CADM2: variants seen among roughly 807,000 people sequenced by gnomAD.
CADM2 encodes the protein immunoglobulin superfamily member 4D.
CADM2 carries 12 observed loss-of-function variants against 49.8 expected under a neutral mutation model. That is an observed-to-expected ratio of 0.24 (90% CI 0.15 to 0.39). The LOEUF is 0.39. Among genes scored for constraint, CADM2 ranks in the 10% least tolerant of loss-of-function variants. CADM2 has a pLI of 1.00. For missense variants in CADM2, 378 were observed against 492.3 expected (o/e 0.77, Z 2.20); for synonymous variants, 214 against 175.4 (o/e 1.22, Z -1.74).
At chr3:85,664,216 A>G (rs1195980999) in intron 1 of CADM2, among the ~76,000 whole-genome samples, 1 of 151,940 alleles carries the variant, frequency 6.6e-6, no homozygotes, top group Non-Finnish European at 1.5e-5. Flanking sequence ...GCTTTTAAAT[A>G]TCTCCCATGA....
chr3:85,452,780 C>G (rs1042295817), intron 1 of CADM2, among the ~76,000 whole-genome samples: 13 of 152,122 alleles, frequency 8.5e-5, no homozygotes, highest in Non-Finnish European at 1.9e-4. Context: ...ACAGTGTTCT[C>G]TTCTTTAAAC....
intron 1 of CADM2, among the ~76,000 whole-genome samples, chr3:85,449,051 A>AT (rs1246128056): frequency 2.1e-4 from 29 of 134,990 alleles, no homozygotes; most frequent in Admixed American, 5.9e-4. Context: ...CTCCAACTCA[A>AT]AAATAATAAT....
chr3:85,953,431 G>A (rs780752202), intron 7 of CADM2, among the ~76,000 whole-genome samples: 4 of 150,634 alleles, frequency 2.7e-5, no homozygotes, highest in Non-Finnish European at 6.0e-5. Flanking sequence ...CAACATTATG[G>A]CCTCTTGAGG....
intron 1 of CADM2, among the ~76,000 whole-genome samples, chr3:85,114,886 G>C (rs2038588209): frequency 6.6e-6 from 1 of 152,030 alleles, no homozygotes; most frequent in Non-Finnish European, 1.5e-5. Context: ...AAAGGATTAA[G>C]GGAGATCTAG....
At chr3:85,412,533 C>T (rs1470547134) in intron 1 of CADM2, among the ~76,000 whole-genome samples, 1 of 59,046 alleles carries the variant, frequency 1.7e-5, no homozygotes, top group Non-Finnish European at 4.9e-5. Context: ...CTATGTAATT[C>T]GTTTTTTTTT....
At chr3:85,727,658 A>G (rs2067758281) in intron 2 of CADM2, among the ~76,000 whole-genome samples, 1 of 152,188 alleles carries the variant, frequency 6.6e-6, no homozygotes, top group African/African-American at 2.4e-5. Context: ...AAGGATGAGA[A>G]GTGTAGTTTT....
chr3:85,443,905 C>T (rs1576564963), intron 1 of CADM2, among the ~76,000 whole-genome samples: 1 of 152,102 alleles, frequency 6.6e-6, no homozygotes, highest in East Asian at 1.9e-4. Flanking sequence ...AGGATCTCCT[C>T]ATAGATGTTA....
chr3:85,160,606 A>T (rs563666101), intron 1 of CADM2, among the ~76,000 whole-genome samples: 2 of 152,250 alleles, frequency 1.3e-5, no homozygotes, highest in South Asian at 4.2e-4. Context: ...CTTCTCAATA[A>T]ATAATTAGGC....
At chr3:85,277,793 G>A (rs561679967) in intron 1 of CADM2, among the ~76,000 whole-genome samples, 1 of 150,658 alleles carries the variant, frequency 6.6e-6, no homozygotes, top group East Asian at 2.0e-4. Flanking sequence ...AACAATTCTT[G>A]ATAAAATATA....
intron 1 of CADM2, among the ~76,000 whole-genome samples, chr3:85,576,516 A>G (rs1483741046): frequency 2.6e-5 from 4 of 152,178 alleles, no homozygotes; most frequent in Non-Finnish European, 5.9e-5. Flanking sequence ...TTCCATGACA[A>G]TGTTTACACA....
chr3:85,280,293 T>G (rs1243509964), intron 1 of CADM2, among the ~76,000 whole-genome samples: 1 of 151,644 alleles, frequency 6.6e-6, no homozygotes, highest in Non-Finnish European at 1.5e-5. Flanking sequence ...TGTTGAAGGG[T>G]AGTTTTGTCA....
intron 6 of CADM2, among the ~76,000 whole-genome samples, chr3:85,928,526 C>A (rs935428178): frequency 4.6e-5 from 7 of 151,836 alleles, no homozygotes; most frequent in Non-Finnish European, 1.0e-4. Context: ...TAAATAAGCC[C>A]CAGAATATGT....
At chr3:85,630,176 A>G (rs930632167) in intron 1 of CADM2, among the ~76,000 whole-genome samples, 1 of 152,004 alleles carries the variant, frequency 6.6e-6, no homozygotes, top group Non-Finnish European at 1.5e-5. Context: ...TTGCCACTCT[A>G]TATTAATTTA....
intron 1 of CADM2, among the ~76,000 whole-genome samples, chr3:85,127,652 C>T: frequency 6.6e-6 from 1 of 151,960 alleles, no homozygotes; most frequent in South Asian, 2.1e-4. Context: ...ATATTGCCAC[C>T]CCATGGCTTC....
chr3:85,060,941 A>G (rs1403875460), intron 1 of CADM2, among the ~76,000 whole-genome samples: 1 of 152,158 alleles, frequency 6.6e-6, no homozygotes, highest in African/African-American at 2.4e-5. Context: ...ATCCCATCCA[A>G]AAAATAGTAA....
rs561648845 is a variant in CADM2, at chr3:85,879,315, C to A, written c.239-3976C>A. ...ACAGACCTGCTTTATTTTTCACATT[C>A]AATATAAATCAATTCTAAAAATATT... is the stretch of plus-strand genomic sequence containing the variant. On this transcript the variant is annotated intron_variant, in intron 3 of 9. Coordinates refer to ENST00000383699, the MANE Select transcript of CADM2 (RefSeq NM_001167675.2). Among the ~76,000 whole-genome samples, 17 of 152,024 alleles carry A rather than the reference C, an allele frequency of 1.1e-4. 3 individuals are homozygous for A. The highest frequency in any genetic ancestry group is 4.1e-4 in the African/African-American group (17 of 41,508).
At chr3:85,857,778 T>C (rs3911063) in intron 3 of CADM2, among the ~76,000 whole-genome samples, 46,694 of 152,092 alleles carry the variant, frequency 0.31, 7,405 homozygotes, top group East Asian at 0.46. Context: ...GTCATTGTTT[T>C]CTTTATCATT....
chr3:85,404,444 A>G (rs185857174), intron 1 of CADM2, among the ~76,000 whole-genome samples: 15 of 152,304 alleles, frequency 9.8e-5, no homozygotes, highest in Admixed American at 6.5e-4. Flanking sequence ...AAAAAAAGTC[A>G]AATAAAAAGA....
At chr3:85,445,544 A>G (rs995344682) in intron 1 of CADM2, among the ~76,000 whole-genome samples, 6 of 152,118 alleles carry the variant, frequency 3.9e-5, no homozygotes, top group African/African-American at 1.2e-4. Flanking sequence ...TTGAAAAACA[A>G]TAAGAAATAT....
Sources: gnomAD v4.1 joint callset for allele counts (sites outside exome capture counted in the v4.1 genomes callset) on GRCh38, gnomAD v4.1.1 for gene constraint, MANE v1.5 for transcripts, NCBI Gene and HGNC (gene_info 2026-07-23, HGNC 2026-07-21) for gene names.